RSU1: variants seen among roughly 807,000 people sequenced by gnomAD.
RSU1 encodes the protein rsu-1.
RSU1 carries 26 observed loss-of-function variants against 31.1 expected under a neutral mutation model. The ratio of observed to expected loss-of-function variants is 0.84; its 90% CI spans 0.61 to 1.16. The LOEUF is 1.16. Among genes scored for constraint, RSU1 ranks in the 50% most tolerant of loss-of-function variants. The pLI, the probability that RSU1 is intolerant of heterozygous loss-of-function variation, is 0.00. For missense variants in RSU1, 320 were observed against 339.1 expected, an observed-to-expected ratio of 0.94 and a Z score of 0.44; for synonymous variants, 164 against 136.3, an observed-to-expected ratio of 1.20 and a Z score of -1.41.
chr10:16,768,413 T>C (rs1000897478), intron 3 of RSU1, among the ~76,000 whole-genome samples: 4 of 152,220 alleles, frequency 2.6e-5, no homozygotes, highest in East Asian at 1.9e-4. Flanking sequence ...TGACAGAGAA[T>C]TGAGTATCAT....
intron 2 of RSU1, among the ~76,000 whole-genome samples, chr10:16,806,180 A>G (rs1482860171): frequency 6.6e-6 from 1 of 152,234 alleles, no homozygotes; most frequent in Non-Finnish European, 1.5e-5. Flanking sequence ...AAATGGGATA[A>G]ACATAGGTAG....
intron 7 of RSU1, among the ~76,000 whole-genome samples, chr10:16,700,511 G>C (rs60891929): frequency 6.6e-6 from 1 of 152,046 alleles, no homozygotes; most frequent in African/African-American, 2.4e-5. Flanking sequence ...AAATGACTCC[G>C]ATACAAAATA....
chr10:16,792,580 C>T (rs998978609), intron 2 of RSU1, among the ~76,000 whole-genome samples: 2 of 152,186 alleles, frequency 1.3e-5, no homozygotes, highest in African/African-American at 4.8e-5. Flanking sequence ...GCTGGAAGAA[C>T]CACCATACCT....
In RSU1 at chr10:16,648,696, A is replaced by C. The variant is rs149982461; in HGVS notation, c.731+46327T>G. On this transcript the variant is annotated intron_variant, in intron 8 of 8. Coordinates refer to ENST00000345264, the MANE Select transcript of RSU1 (RefSeq NM_012425.4). ...GAAAGCACTGCTTTCCAGAAAATTA[A>C]ATGTACCTGGACTATATTCAGAAGA... 5.9e-5 allele frequency among the ~76,000 whole-genome samples: 9 copies of C among 152,258 alleles called. No homozygotes were observed. In the East Asian group the frequency reaches 1.7e-3, roughly 29 times the overall value.
At chr10:16,788,576 G>A (rs1837846001) in intron 2 of RSU1, among the ~76,000 whole-genome samples, 1 of 152,116 alleles carries the variant, frequency 6.6e-6, no homozygotes, top group Non-Finnish European at 1.5e-5. Flanking sequence ...CATTTTCCAG[G>A]CTTCAAAACC....
In RSU1 at chr10:16,817,355, A is replaced by G. The variant is rs1469821266; in HGVS notation, c.-44T>C. 2.4e-6 allele frequency: 1 copy of G among 418,368 alleles called. No individual in the cohort carries two copies. Among genetic ancestry groups the G allele is most frequent in the Non-Finnish European group, 4.4e-6 (1 of 227,640 alleles). The allele number at this position is 418,368 out of a possible 1,614,324, so 25.9% of individuals were successfully genotyped here. On this transcript the variant is annotated 5_prime_UTR_variant, in exon 1 of 9. Transcript: ENST00000345264. ...CTAAGACGATGGGCGTGCAACCACA[A>G]GCTTCGGCAGAACGCACTCCAGCTG...
intron 8 of RSU1, among the ~76,000 whole-genome samples, chr10:16,694,683 A>T (rs1835636736): frequency 6.6e-6 from 1 of 152,010 alleles, no homozygotes; most frequent in African/African-American, 2.4e-5. Flanking sequence ...TGATCCTCCC[A>T]ACTCAGCCTC....
rs149474597 is a variant in RSU1 at position 16,749,582 on chromosome 10, G to A, written c.598+2957C>T. Among the ~76,000 whole-genome samples the A allele has an allele frequency of 5.1e-3, 769 of 152,112 alleles. 9 individuals are homozygous for A. The highest frequency in any genetic ancestry group is 0.017 in the African/African-American group (699 of 41,494). On this transcript the variant is annotated intron_variant, in intron 7 of 8. Transcript: ENST00000345264. ...CCCAGCACTGCCCATCAGCCAGCCCGGAGCAGCATCCAGATGGTCACCTCA... is the reference window on the plus strand; with the variant it reads ...CCCAGCACTGCCCATCAGCCAGCCCAGAGCAGCATCCAGATGGTCACCTCA...
intron 7 of RSU1, among the ~76,000 whole-genome samples, chr10:16,732,049 T>C (rs1348150153): frequency 6.6e-6 from 1 of 152,174 alleles, no homozygotes; most frequent in Admixed American, 6.5e-5. Context: ...GGAAGTACAG[T>C]ATCAGTAGCT....
In RSU1 at chr10:16,640,273, T is replaced by C. The variant is rs141364848; in HGVS notation, c.732-46777A>G. On this transcript the variant is annotated intron_variant, in intron 8 of 8. Transcript: ENST00000345264. ...TAACCCCGAGAAACAACCCTTGATA[T>C]TTCACACCTCCTCTTATCTAATCAT... Among the ~76,000 whole-genome samples the C allele has an allele frequency of 3.5e-3, 536 of 152,152 alleles. 4 individuals are homozygous for C. The highest frequency in any genetic ancestry group is 0.012 in the African/African-American group (506 of 41,512).
intron 2 of RSU1, among the ~76,000 whole-genome samples, chr10:16,805,316 G>C (rs537945457): frequency 2.0e-5 from 3 of 152,210 alleles, no homozygotes; most frequent in African/African-American, 4.8e-5. Context: ...GGATGGAGGA[G>C]AGACGTGGAT....
rs115909485 is a variant in RSU1 at position 16,810,333 on chromosome 10, A to G, written c.109+6640T>C. Among the ~76,000 whole-genome samples, 358 of 152,364 alleles carry G rather than the reference A, an allele frequency of 2.3e-3. 2 individuals are homozygous for G. The highest frequency in any genetic ancestry group is 8.4e-3 in the African/African-American group (348 of 41,582). On this transcript the variant is annotated intron_variant, in intron 2 of 8. Coordinates refer to ENST00000345264, the MANE Select transcript of RSU1 (RefSeq NM_012425.4). ...TATCATAAAAAAATACATTCAATAAATAGTTACTGCAGGACACAGAGTATT... is the reference window on the plus strand; with the variant it reads ...TATCATAAAAAAATACATTCAATAAGTAGTTACTGCAGGACACAGAGTATT...
rs767976671 is a variant in RSU1 at position 16,752,554 on chromosome 10, G to C, written c.583C>G (p.Leu195Val). ...GCAACCTTACCTAGTTCTGGGGGCA[G>C]AACGGTGAGGCGGTTCCCCTGAATG... ...LHIQGNRLTVLPPELGNLDLT... is the reference protein window; with the variant it reads ...LHIQGNRLTVVPPELGNLDLT... The change falls in exon 7 of 9, where the codon CTG becomes GTG. Residue 195 changes from leucine to valine, a missense_variant. Physicochemically the swap from Leu to Val is conservative, Grantham distance 32. Transcript: ENST00000345264. The C allele has an allele frequency of 2.5e-6, 4 of 1,613,812 alleles. No homozygotes were observed. The highest frequency in any genetic ancestry group is 4.5e-5 in the East Asian group (2 of 44,884).
At position 16,791,611 on chromosome 10, in the gene RSU1, G is replaced by C. The variant is rs186797005; in HGVS notation, c.110-9527C>G. The stretch of plus-strand genomic sequence containing the variant: ...CCACTGCACTCCAGCCTGGGCGACA[G>C]AGCGAGACTCCGTCTCAAAAAAACA... On this transcript the variant is annotated intron_variant, in intron 2 of 8. Transcript: ENST00000345264. Among the ~76,000 whole-genome samples the C allele has an allele frequency of 3.4e-3, 506 of 146,800 alleles. 2 individuals are homozygous for C. Among genetic ancestry groups the C allele is most frequent in the African/African-American group, 0.012 (489 of 39,564 alleles).
At chr10:16,748,002 C>A (rs1188974554) in intron 7 of RSU1, among the ~76,000 whole-genome samples, 3 of 152,180 alleles carry the variant, frequency 2.0e-5, no homozygotes, top group Admixed American at 6.5e-5. Flanking sequence ...CCACTGCACT[C>A]CAGCCTGGGT....
intron 3 of RSU1, among the ~76,000 whole-genome samples, chr10:16,769,697 A>C (rs895812459): frequency 3.3e-5 from 5 of 152,196 alleles, no homozygotes; most frequent in South Asian, 4.1e-4. Flanking sequence ...GAAAACTTTT[A>C]ATTCATTGGC....
At chr10:16,611,236 G>A (rs559594068) in intron 8 of RSU1, among the ~76,000 whole-genome samples, 8 of 152,294 alleles carry the variant, frequency 5.3e-5, no homozygotes, top group South Asian at 2.1e-4. Flanking sequence ...GCCACACTAC[G>A]TCTAGCCTCT....
At chr10:16,804,177 C>A (rs988855489) in intron 2 of RSU1, among the ~76,000 whole-genome samples, 46 of 152,198 alleles carry the variant, frequency 3.0e-4, no homozygotes, top group African/African-American at 1.1e-3. Flanking sequence ...GGACATCTCA[C>A]CAAAGAAGAT....
intron 2 of RSU1, among the ~76,000 whole-genome samples, chr10:16,797,141 A>G (rs1293305456): frequency 6.6e-6 from 1 of 152,192 alleles, no homozygotes; most frequent in Non-Finnish European, 1.5e-5. Flanking sequence ...GAAACTGACC[A>G]CCTAGGGCTC....
Sources: allele counts gnomAD v4.1 joint callset (sites outside exome capture counted in the v4.1 genomes callset), GRCh38; gene constraint gnomAD v4.1.1; transcripts MANE v1.5; gene names NCBI Gene and HGNC (gene_info 2026-07-23, HGNC 2026-07-21).